The following RBFOX1 variants were observed in gnomAD, a reference collection of about 807,000 sequenced individuals.
The protein encoded by RBFOX1 is RNA binding fox-1 homolog 1.
Under a neutral mutation model 57.7 loss-of-function variants are expected in RBFOX1, and 8 were observed. The observed-to-expected ratio is 0.14, with a 90% confidence interval of 0.08 to 0.25. The LOEUF is 0.25. Among genes scored for constraint, RBFOX1 ranks in the 10% least tolerant of loss-of-function variants. The pLI, the probability that RBFOX1 is intolerant of heterozygous loss-of-function variation, is 1.00. For missense variants in RBFOX1, 611 were observed against 548.5 expected, an observed-to-expected ratio of 1.11 and a Z score of -1.14; for synonymous variants, 326 against 222.4, an observed-to-expected ratio of 1.47 and a Z score of -4.15.
At chr16:6,103,372 A>G (rs187872463) in intron 1 of RBFOX1, among the ~76,000 whole-genome samples, 7 of 152,310 alleles carry the variant, frequency 4.6e-5, no homozygotes, top group African/African-American at 1.7e-4. Flanking sequence ...TAGATGACAT[A>G]TGTAAGATAT....
intron 2 of RBFOX1, among the ~76,000 whole-genome samples, chr16:6,638,502 T>G (rs941541581): frequency 6.6e-6 from 1 of 152,180 alleles, no homozygotes; most frequent in Non-Finnish European, 1.5e-5. Flanking sequence ...AATATGCTTC[T>G]GGCATATTAA....
chr16:7,041,022 T>C (rs1422564010), intron 3 of RBFOX1, among the ~76,000 whole-genome samples: 3 of 151,742 alleles, frequency 2.0e-5, no homozygotes, highest in Non-Finnish European at 2.9e-5. Flanking sequence ...TTCAAGCGAT[T>C]CTCCTGCCTC....
intron 4 of RBFOX1, among the ~76,000 whole-genome samples, chr16:7,143,503 A>G (rs1043436550): frequency 6.6e-6 from 1 of 151,906 alleles, no homozygotes; most frequent in Non-Finnish European, 1.5e-5. Flanking sequence ...CCCATATCCT[A>G]CCCCCGCCCC....
rs1355904076 is a variant in RBFOX1, at chr16:6,695,426, AAAAAAAAAAAAGGAAAGGAAG to A, written c.-16+40777_-16+40797del. 3.9e-5 allele frequency among the ~76,000 whole-genome samples: 4 copies of A among 101,978 alleles called. 1 individual carries two copies. Among genetic ancestry groups the A allele is most frequent in the Middle Eastern group, 5.5e-3 (1 of 182 alleles). The allele number at this position is 101,978 out of a possible 152,430, so 66.9% of individuals were successfully genotyped here. ...GAGAAACTCTGTCAAAAAAAAAAAA[AAAAAAAAAAAAGGAAAGGAAG>A]GGAAAGGAAAGGAAAAGAAAATGAC... On this transcript the variant is annotated intron_variant, in intron 3 of 15. Transcript: ENST00000550418.
intron 3 of RBFOX1, among the ~76,000 whole-genome samples, chr16:6,843,817 A>T (rs1380691534): frequency 6.6e-6 from 1 of 152,180 alleles, no homozygotes; most frequent in Admixed American, 6.5e-5. Context: ...CAAAAACAAG[A>T]TTTGACCCTT....
At chr16:7,285,937 T>G (rs1603497223) in intron 4 of RBFOX1, among the ~76,000 whole-genome samples, 1 of 152,156 alleles carries the variant, frequency 6.6e-6, no homozygotes, top group South Asian at 2.1e-4. Context: ...TAAGAGAAAC[T>G]GATTGATTTT....
At chr16:5,660,279 C>A (rs113265885) in intron 3 of RBFOX1, among the ~76,000 whole-genome samples, 106 of 152,262 alleles carry the variant, frequency 7.0e-4, no homozygotes, top group African/African-American at 2.4e-3. Context: ...TTGGTGCAAA[C>A]CCTAGATCCC....
At chr16:6,698,241 A>C (rs549983062) in intron 3 of RBFOX1, among the ~76,000 whole-genome samples, 1 of 152,224 alleles carries the variant, frequency 6.6e-6, no homozygotes, top group African/African-American at 2.4e-5. Flanking sequence ...TATGTAAAAT[A>C]ATACAGCATT....
intron 4 of RBFOX1, among the ~76,000 whole-genome samples, chr16:7,476,208 A>T (rs1049370232): frequency 1.3e-4 from 20 of 151,964 alleles, no homozygotes; most frequent in African/African-American, 4.8e-4. Flanking sequence ...GCTGGGCTCA[A>T]ATGATCCTCC....
chr16:7,604,697 T>C (rs2095214062), intron 9 of RBFOX1, among the ~76,000 whole-genome samples: 1 of 151,882 alleles, frequency 6.6e-6, no homozygotes, highest in Non-Finnish European at 1.5e-5. Flanking sequence ...CAAATGCCTC[T>C]GAGAGATCTG....
At chr16:6,798,939 C>G (rs926592307) in intron 3 of RBFOX1, among the ~76,000 whole-genome samples, 1 of 152,070 alleles carries the variant, frequency 6.6e-6, no homozygotes, top group Non-Finnish European at 1.5e-5. Flanking sequence ...TCTCAAGTTT[C>G]TCTTCAAATG....
intron 4 of RBFOX1, among the ~76,000 whole-genome samples, chr16:5,942,115 G>C (rs1165246663): frequency 2.0e-5 from 3 of 151,994 alleles, no homozygotes; most frequent in Non-Finnish European, 4.4e-5. Context: ...CTGATGCCCA[G>C]GTACAGCCAA....
intron 2 of RBFOX1, among the ~76,000 whole-genome samples, chr16:5,584,481 C>T (rs1206043674): frequency 2.0e-5 from 3 of 152,170 alleles, no homozygotes; most frequent in Admixed American, 6.5e-5. Context: ...TACCATTGCC[C>T]ACTTGCAAAT....
intron 3 of RBFOX1, among the ~76,000 whole-genome samples, chr16:6,682,470 A>T (rs1384390092): frequency 6.6e-6 from 1 of 152,178 alleles, no homozygotes; most frequent in Admixed American, 6.5e-5. Context: ...AATATTAATG[A>T]CATTGAATGT....
chr16:6,114,463 A>G (rs1358666388), intron 1 of RBFOX1, among the ~76,000 whole-genome samples: 1 of 152,190 alleles, frequency 6.6e-6, no homozygotes, highest in Non-Finnish European at 1.5e-5. Flanking sequence ...CTCATTACTT[A>G]CAGTATAAAA....
chr16:5,548,205 A>G (rs1047734629), intron 2 of RBFOX1, among the ~76,000 whole-genome samples: 1 of 138,744 alleles, frequency 7.2e-6, no homozygotes, highest in East Asian at 2.0e-4. Context: ...ATATATATAT[A>G]GACATTGGGG....
chr16:5,737,745 T>C (rs1428750413), intron 3 of RBFOX1, among the ~76,000 whole-genome samples: 3 of 152,294 alleles, frequency 2.0e-5, no homozygotes, highest in Non-Finnish European at 4.4e-5. Flanking sequence ...GTGAATTAAC[T>C]AAAAACCCTG....
chr16:7,693,244 A>G, intron 14 of RBFOX1: 1 of 1,348,128 alleles, frequency 7.4e-7, no homozygotes, highest in South Asian at 1.2e-5. Flanking sequence ...ATCTGTACAC[A>G]TCGAAGCAAT....
At chr16:5,359,660 T>G (rs1381445699) in intron 1 of RBFOX1, among the ~76,000 whole-genome samples, 1 of 152,242 alleles carries the variant, frequency 6.6e-6, no homozygotes, top group Non-Finnish European at 1.5e-5. Context: ...TTGATCAGAT[T>G]GTTAGACTTT....
Sources: gnomAD v4.1 joint callset for allele counts (sites outside exome capture counted in the v4.1 genomes callset) on GRCh38, gnomAD v4.1.1 for gene constraint, MANE v1.5 for transcripts, NCBI Gene and HGNC (gene_info 2026-07-23, HGNC 2026-07-21) for gene names.